The following ST8SIA6 variants were observed in gnomAD, a reference collection of about 807,000 sequenced individuals.
The protein encoded by ST8SIA6 is ST8 alpha-N-acetyl-neuraminide alpha-2,8-sialyltransferase 6, also known as alpha-2,8-sialyltransferase 8F.
Under a neutral mutation model 33.6 loss-of-function variants are expected in ST8SIA6, and 39 were observed. The ratio of observed to expected loss-of-function variants is 1.16; its 90% CI spans 0.90 to 1.52. The LOEUF is 1.52. Among genes scored for constraint, ST8SIA6 ranks in the 40% most tolerant of loss-of-function variants. ST8SIA6 has a pLI of 0.00. For missense variants in ST8SIA6, 441 were observed against 443.8 expected, an observed-to-expected ratio of 0.99 and a Z score of 0.06; for synonymous variants, 172 against 167.2, an observed-to-expected ratio of 1.03 and a Z score of -0.22.
At chr10:17,446,188 G>A (rs1193045167) in intron 2 of ST8SIA6, among the ~76,000 whole-genome samples, 1 of 152,126 alleles carries the variant, frequency 6.6e-6, no homozygotes, top group Non-Finnish European at 1.5e-5. Context: ...AGCATAGTGG[G>A]ACAGAGGACT....
chr10:17,397,166 C>A (rs1441711883), intron 2 of ST8SIA6, among the ~76,000 whole-genome samples: 1 of 150,808 alleles, frequency 6.6e-6, no homozygotes, highest in African/African-American at 2.4e-5. Context: ...CTCTGCCAAC[C>A]TTTTTCTCCT....
At chr10:17,337,175 G>A (rs894392867) in intron 4 of ST8SIA6, among the ~76,000 whole-genome samples, 16 of 151,884 alleles carry the variant, frequency 1.1e-4, no homozygotes, top group African/African-American at 3.4e-4. Flanking sequence ...CGTTTAAGAA[G>A]AGCCTGCCAC....
chr10:17,426,609 A>G (rs1484724378), intron 2 of ST8SIA6, among the ~76,000 whole-genome samples: 2 of 152,220 alleles, frequency 1.3e-5, no homozygotes, highest in African/African-American at 2.4e-5. Context: ...CCTCAAGCAA[A>G]GAAATGTTCA....
chr10:17,445,772 G>C (rs1020565751), intron 2 of ST8SIA6, among the ~76,000 whole-genome samples: 2 of 152,202 alleles, frequency 1.3e-5, no homozygotes, highest in Admixed American at 1.3e-4. Flanking sequence ...GAAAGGGAGT[G>C]AATTGGCCTT....
chr10:17,444,198 G>A (rs1181100938), intron 2 of ST8SIA6, among the ~76,000 whole-genome samples: 1 of 152,120 alleles, frequency 6.6e-6, no homozygotes, highest in Non-Finnish European at 1.5e-5. Context: ...GTCTAATAAG[G>A]AGACACTGAA....
At chr10:17,383,268 TTCTAA>T (rs1389746547) in intron 3 of ST8SIA6, among the ~76,000 whole-genome samples, 2 of 152,246 alleles carry the variant, frequency 1.3e-5, no homozygotes, top group African/African-American at 2.4e-5. Flanking sequence ...TTATGTCTTT[TTCTAA>T]TCTAATTAAT....
chr10:17,384,677 A>G (rs896636530), intron 3 of ST8SIA6, among the ~76,000 whole-genome samples: 1 of 152,180 alleles, frequency 6.6e-6, no homozygotes, highest in African/African-American at 2.4e-5. Context: ...GAGTCACTAA[A>G]ATCTAAGCTG....
chr10:17,386,599 C>T (rs1419788641), intron 3 of ST8SIA6, among the ~76,000 whole-genome samples: 1 of 152,164 alleles, frequency 6.6e-6, no homozygotes, highest in East Asian at 1.9e-4. Context: ...GTTTCTTCTC[C>T]TTCCTCCTGC....
At position 17,356,471 on chromosome 10, in the gene ST8SIA6, C is replaced by T. The variant is rs537119727; in HGVS notation, c.377+3043G>A. ...ACAATTTAGATCACTGCAACCTCTG[C>T]CTCTCAGGTTCAAGTGATTCTCCCG... On this transcript the variant is annotated intron_variant, in intron 4 of 7. Coordinates refer to ENST00000377602, the MANE Select transcript of ST8SIA6 (RefSeq NM_001004470.3). Among the ~76,000 whole-genome samples, 4 of 151,836 alleles carry T rather than the reference C, an allele frequency of 2.6e-5. No homozygotes were observed. In the South Asian group the frequency reaches 6.3e-4, roughly 24 times the overall value.
intron 3 of ST8SIA6, among the ~76,000 whole-genome samples, chr10:17,367,987 T>C (rs896376213): frequency 2.6e-5 from 4 of 152,140 alleles, no homozygotes; most frequent in Admixed American, 6.5e-5. Flanking sequence ...CTATTACGTA[T>C]CCGTACAGCA....
rs957103927 is a variant in ST8SIA6 at position 17,321,331 on chromosome 10, C to A, written c.744G>T (p.Lys248Asn). Residue 248 changes from lysine to asparagine, a missense_variant, in exon 8 of 8, where the codon AAG becomes AAT. Transcript: ENST00000377602. Reference protein sequence around the residue: ...SIITLKYGNLKEKKALFLEDI... With the variant: ...SIITLKYGNLNEKKALFLEDI... ...CCTCCAGAAATAGGGCTTTTTTTTC[C>A]TTTAAGTTCCCATATCTGCCAAATT... is the stretch of plus-strand genomic sequence containing the variant. 6 of 1,597,442 alleles carry A rather than the reference C, an allele frequency of 3.8e-6. No individual in the cohort carries two copies. Among genetic ancestry groups the A allele is most frequent in the Non-Finnish European group, 5.1e-6 (6 of 1,175,620 alleles).
intron 4 of ST8SIA6, among the ~76,000 whole-genome samples, chr10:17,352,055 AAATGTT>A (rs1849048416): frequency 6.8e-6 from 1 of 146,610 alleles, no homozygotes. Flanking sequence ...CTAAAAAAAA[AAATGTT>A]AAGCATATGA....
intron 2 of ST8SIA6, among the ~76,000 whole-genome samples, chr10:17,439,336 G>A (rs1852391114): frequency 6.8e-6 from 1 of 148,040 alleles, no homozygotes; most frequent in African/African-American, 2.5e-5. Flanking sequence ...CTGGAGTGCA[G>A]TGGTGCAATC....
At chr10:17,370,496 T>C (rs1344417104) in intron 3 of ST8SIA6, among the ~76,000 whole-genome samples, 3 of 152,216 alleles carry the variant, frequency 2.0e-5, no homozygotes, top group Non-Finnish European at 4.4e-5. Context: ...TTAACTATTT[T>C]CAATGTGGTT....
chr10:17,331,268 T>C (rs1848289871), intron 5 of ST8SIA6, 140 bp downstream of exon 5: 2 of 998,854 alleles, frequency 2.0e-6, no homozygotes, highest in African/African-American at 1.6e-5. Flanking sequence ...TTTTAAAAAA[T>C]GGCTCACTGT....
At chr10:17,333,679 A>G (rs1397784597) in intron 4 of ST8SIA6, among the ~76,000 whole-genome samples, 2 of 13,360 alleles carry the variant, frequency 1.5e-4, no homozygotes, top group East Asian at 0.011. Context: ...TGGGATATAT[A>G]TATATATATA....
chr10:17,402,145 A>T (rs994173397), intron 2 of ST8SIA6, among the ~76,000 whole-genome samples: 1 of 152,260 alleles, frequency 6.6e-6, no homozygotes, highest in Non-Finnish European at 1.5e-5. Flanking sequence ...TCTCAAAAGA[A>T]GACATTTATG....
At chr10:17,371,781 AT>A (rs1318543308) in intron 3 of ST8SIA6, among the ~76,000 whole-genome samples, 26 of 127,696 alleles carry the variant, frequency 2.0e-4, no homozygotes, top group Middle Eastern at 3.8e-3. Flanking sequence ...GCAAGACTCC[AT>A]TAAAAAAAAA....
intron 2 of ST8SIA6, among the ~76,000 whole-genome samples, chr10:17,439,643 T>C (rs1027211624): frequency 6.6e-6 from 1 of 152,200 alleles, no homozygotes; most frequent in Non-Finnish European, 1.5e-5. Context: ...TGGACCTCCA[T>C]GAATGTCTGA....
Sources: gnomAD v4.1 joint callset for allele counts (sites outside exome capture counted in the v4.1 genomes callset) on GRCh38, gnomAD v4.1.1 for gene constraint, MANE v1.5 for transcripts, NCBI Gene and HGNC (gene_info 2026-07-23, HGNC 2026-07-21) for gene names.